The following GINS3 variants were observed in gnomAD, a reference collection of about 807,000 sequenced individuals.
The protein encoded by GINS3 is GINS complex subunit 3.
In GINS3, 18 loss-of-function variants were observed where a neutral mutation model predicts 20.0. The ratio of observed to expected loss-of-function variants is 0.90; its 90% confidence interval spans 0.62 to 1.33. GINS3 has a LOEUF of 1.33. Among genes scored for constraint, GINS3 ranks in the 40% most tolerant of loss-of-function variants. GINS3 has a pLI of 0.00. For missense variants in GINS3, 254 were observed against 273.6 expected, an observed-to-expected ratio of 0.93 and a Z score of 0.51; for synonymous variants, 109 against 107.0, an observed-to-expected ratio of 1.02 and a Z score of -0.12.
intron 1 of GINS3, among the ~76,000 whole-genome samples, chr16:58,397,957 T>C (rs1028894564): frequency 6.6e-6 from 1 of 152,254 alleles, no homozygotes; most frequent in Non-Finnish European, 1.5e-5. Context: ...ATTTTTAATA[T>C]CAATAAATTG....
At chr16:58,393,878 A>G (rs1221180846) in intron 1 of GINS3, among the ~76,000 whole-genome samples, 1 of 152,118 alleles carries the variant, frequency 6.6e-6, no homozygotes, top group Non-Finnish European at 1.5e-5. Context: ...TTATAAGAAA[A>G]AAAATAGCAG....
Position 58,403,320 on chromosome 16 carries a change from T to C in GINS3, c.409T>C (p.Ser137Pro). ...DSPENADISQ[S>P]LLQTFIGRFR... is the part of the protein sequence containing the mutation. The stretch of plus-strand genomic sequence containing the variant: ...TCCCGAGAATGCAGACATTTCCCAG[T>C]CTCTGCTGCAGGCAAGTAATGGGTG... The change falls in exon 2 of 3, where the codon TCT (serine) becomes CCT (proline). Residue 137 changes from serine (S) to proline (P), a missense_variant. Ser to Pro is a moderately conservative substitution (Grantham distance 74). Transcript: ENST00000318129. 1.2e-6 allele frequency: 2 copies of C among 1,613,772 alleles called. No individual in the cohort carries two copies. Among genetic ancestry groups the C allele is most frequent in the Non-Finnish European group, 1.7e-6 (2 of 1,179,892 alleles).
chr16:58,392,837 G>A (rs1193015746), intron 1 of GINS3, 50 bp downstream of exon 1: 2 of 1,514,684 alleles, frequency 1.3e-6, no homozygotes, highest in East Asian at 2.4e-5. Context: ...AGCTCCCGGC[G>A]GGCCCCTCGG....
chr16:58,400,757 A>C (rs1172286316), intron 1 of GINS3, among the ~76,000 whole-genome samples: 1 of 152,058 alleles, frequency 6.6e-6, no homozygotes, highest in Non-Finnish European at 1.5e-5. Flanking sequence ...CATAAAAAAA[A>C]AATTCCATTT....
intron 1 of GINS3, among the ~76,000 whole-genome samples, chr16:58,394,700 G>C (rs983683170): frequency 7.9e-5 from 12 of 152,088 alleles, no homozygotes; most frequent in African/African-American, 2.9e-4. Context: ...TTGATTATCA[G>C]CTTTAGGGAG....
At chr16:58,399,330 A>G (rs1446142385) in intron 1 of GINS3, among the ~76,000 whole-genome samples, 1 of 151,874 alleles carries the variant, frequency 6.6e-6, no homozygotes, top group East Asian at 1.9e-4. Flanking sequence ...GTCTCTCATT[A>G]TGATTATGGA....
chr16:58,404,914 TC>T lies in GINS3; in HGVS notation c.*187del. 1 of 591,384 alleles carries T rather than the reference TC, an allele frequency of 1.7e-6. No homozygotes were observed. The highest frequency in any genetic ancestry group is 2.0e-5 in the South Asian group (1 of 49,252). 36.6% of individuals were successfully genotyped at this position (591,384 alleles called of 1,614,324 possible). The stretch of plus-strand genomic sequence containing the variant: ...TGGGTGTCCCTGGCTCTGTGAGTCT[TC>T]CAGGACCGTCCCACCCTGCTGACCC... On this transcript the variant is annotated 3_prime_UTR_variant, in exon 3 of 3. Transcript: ENST00000318129.
Position 58,397,142 on chromosome 16 carries a change from G to A in GINS3, c.186+4355G>A, listed in dbSNP as rs541135807. Among the ~76,000 whole-genome samples the A allele has an allele frequency of 2.6e-3, 391 of 151,080 alleles. 5 individuals carry two copies. The highest frequency in any genetic ancestry group is 0.026 in the East Asian group (130 of 5,066). On this transcript the variant is annotated intron_variant, in intron 1 of 2. Coordinates refer to ENST00000318129, the MANE Select transcript of GINS3 (RefSeq NM_022770.4). ...TCACTTCCCAGACGGTGTAGCTGCC[G>A]GGCGGAGGGGCTCCTCACTTCTCAG...
At chr16:58,393,476 T>C (rs1042748361) in intron 1 of GINS3, 1 of 152,244 alleles carries the variant, frequency 6.6e-6, no homozygotes, top group Non-Finnish European at 1.5e-5. Flanking sequence ...AAGTTTTGTA[T>C]AGAACGATGT....
At chr16:58,397,541 C>T (rs1355838927) in intron 1 of GINS3, among the ~76,000 whole-genome samples, 1 of 152,164 alleles carries the variant, frequency 6.6e-6, no homozygotes, top group Non-Finnish European at 1.5e-5. Context: ...GAACGTGACT[C>T]CGTCTGCCAT....
Position 58,403,562 on chromosome 16 carries a change from T to C in GINS3, c.420+231T>C, listed in dbSNP as rs1567537611. The C allele has an allele frequency of 8.0e-6, 4 of 499,166 alleles. No homozygotes were observed. The South Asian group carries it at 9.7e-5, about 12-fold the overall frequency. 30.9% of individuals were successfully genotyped at this position (499,166 alleles called of 1,614,324 possible). A position where few individuals can be genotyped will look rare whatever the true frequency, so the allele number is the denominator to read the frequency against. ...TTGTCTGCCACTCCTCATATTTGCT[T>C]GCTACAAGTTGAGGCCAGCAGGAAC... On this transcript the variant is annotated intron_variant, in intron 2 of 2. Coordinates refer to ENST00000318129, the MANE Select transcript of GINS3 (RefSeq NM_022770.4).
chr16:58,399,302 A>G (rs9923161), intron 1 of GINS3, among the ~76,000 whole-genome samples: 5,613 of 151,588 alleles, frequency 0.037, 127 homozygotes, highest in Middle Eastern at 0.093. Context: ...AAAAAAAAAA[A>G]ATTGAAAAAA....
In GINS3 at chr16:58,404,851, C is replaced by T; in HGVS notation, c.*122C>T. On this transcript the variant is annotated 3_prime_UTR_variant, in exon 3 of 3. Coordinates refer to ENST00000318129, the MANE Select transcript of GINS3 (RefSeq NM_022770.4). Reference sequence around the variant, plus strand: ...CATTTCATGGCTTATTTCCTGTGGCCATAGAGAATTATAGGGAACTGGACA... The same window carrying T: ...CATTTCATGGCTTATTTCCTGTGGCTATAGAGAATTATAGGGAACTGGACA... 1 of 726,428 alleles carries T rather than the reference C, an allele frequency of 1.4e-6. No homozygotes were observed. The highest frequency in any genetic ancestry group is 2.3e-6 in the Non-Finnish European group (1 of 432,560). The allele number at this position is 726,428 out of a possible 1,614,324, so 45.0% of individuals were successfully genotyped here. A position where few individuals can be genotyped will look rare whatever the true frequency, so the allele number is the denominator to read the frequency against.
chr16:58,401,007 G>A (rs1012422646), intron 1 of GINS3, among the ~76,000 whole-genome samples: 20 of 151,826 alleles, frequency 1.3e-4, no homozygotes, highest in African/African-American at 4.4e-4. Flanking sequence ...TAGAAACGGG[G>A]TTTCACCATG....
chr16:58,395,418 G>A (rs983143903), intron 1 of GINS3, among the ~76,000 whole-genome samples: 2 of 151,710 alleles, frequency 1.3e-5, no homozygotes, highest in South Asian at 4.2e-4. Flanking sequence ...TGGAGGGAAG[G>A]TCAAGCAGAT....
chr16:58,404,770 C>T lies in GINS3; in HGVS notation c.*41C>T. 7.2e-7 allele frequency: 1 copy of T among 1,397,916 alleles called. No homozygotes were observed. Among genetic ancestry groups the T allele is most frequent in the Non-Finnish European group, 1.0e-6 (1 of 994,594 alleles). The allele number at this position is 1,397,916 out of a possible 1,614,324, so 86.6% of individuals were successfully genotyped here. A position where few individuals can be genotyped will look rare whatever the true frequency, so the allele number is the denominator to read the frequency against. Reference sequence around the variant, plus strand: ...AGAATGGCTCCTCACAGACGTATCCCTCCGTGTGTCCTTGATAGGAGCTGG... The same window carrying T: ...AGAATGGCTCCTCACAGACGTATCCTTCCGTGTGTCCTTGATAGGAGCTGG... On this transcript the variant is annotated 3_prime_UTR_variant, in exon 3 of 3. Transcript: ENST00000318129.
In GINS3 at chr16:58,405,072, C is replaced by T. The variant is rs1966011827; in HGVS notation, c.*343C>T. The T allele has an allele frequency of 3.9e-6, 1 of 253,550 alleles. No individual in the cohort carries two copies. The highest frequency in any genetic ancestry group is 9.3e-5 in the East Asian group (1 of 10,788). The allele number at this position is 253,550 out of a possible 1,614,324, so 15.7% of individuals were successfully genotyped here. A position where few individuals can be genotyped will look rare whatever the true frequency, so the allele number is the denominator to read the frequency against. On this transcript the variant is annotated 3_prime_UTR_variant, in exon 3 of 3. Coordinates refer to ENST00000318129, the MANE Select transcript of GINS3 (RefSeq NM_022770.4). ...GATTCCTTGTGTCTGGGAGTTTGGA[C>T]AGCTTCAGATGTACAGTTTCACTAG...
At chr16:58,404,284 C>A (rs1965997279) in intron 2 of GINS3, 1 of 565,240 alleles carries the variant, frequency 1.8e-6, no homozygotes, top group Admixed American at 3.2e-5. Context: ...TAACAACTTA[C>A]TGGATTTTCA....
chr16:58,396,834 C>T lies in GINS3; in HGVS notation c.186+4047C>T, dbSNP rs1466449780. ...GGGGCTCCTCACTTCCCAGTAGGGG[C>T]GGCCGGGCAGAGGCGCCCCTCACCT... On this transcript the variant is annotated intron_variant, in intron 1 of 2. Transcript: ENST00000318129. Among the ~76,000 whole-genome samples, 58 of 129,544 alleles carry T rather than the reference C, an allele frequency of 4.5e-4. 1 individual carries two copies. The highest frequency in any genetic ancestry group is 1.4e-3 in the African/African-American group (47 of 32,762). 85.0% of individuals were successfully genotyped at this position (129,544 alleles called of 152,430 possible). A position where few individuals can be genotyped will look rare whatever the true frequency, so the allele number is the denominator to read the frequency against.
Sources: allele counts gnomAD v4.1 joint callset (sites outside exome capture counted in the v4.1 genomes callset), GRCh38; gene constraint gnomAD v4.1.1; transcripts MANE v1.5; gene names NCBI Gene and HGNC (gene_info 2026-07-23, HGNC 2026-07-21).